LETMD1: variants seen among roughly 807,000 people sequenced by gnomAD.
LETMD1 encodes LETM1 domain containing 1.
A neutral mutation model predicts 43.9 loss-of-function variants in LETMD1; 30 were observed. That is an observed-to-expected ratio of 0.68 (90% CI 0.51 to 0.93). LETMD1 has a LOEUF of 0.93. Among genes scored for constraint, LETMD1 ranks in the 40% least tolerant of loss-of-function variants. The pLI, the probability that LETMD1 is intolerant of heterozygous loss-of-function variation, is 0.00. For missense variants in LETMD1, 413 were observed against 447.7 expected (o/e 0.92, Z 0.70); for synonymous variants, 176 against 163.1 (o/e 1.08, Z -0.60).
rs1318431454 is a variant in LETMD1 at position 51,049,088 on chromosome 12, T to C, written c.177T>C (p.Tyr59=). 3 of 1,613,758 alleles carry C rather than the reference T, an allele frequency of 1.9e-6. No homozygotes were observed. The highest frequency in any genetic ancestry group is 2.2e-5 in the East Asian group (1 of 44,876). ...PKADVKNLMS[Y]VVTKTKAING... ...CAGATGTGAAGAACTTGATGTCTTA[T>C]GTGGTAACCAAGACAAAAGCGATTA... Residue 59 remains tyrosine (Y), a synonymous_variant, in exon 2 of 9, where the codon TAT becomes TAC. Transcript: ENST00000262055.
rs757298149 is a variant in LETMD1, at chr12:51,049,140, C to G, written c.229C>G (p.Arg77Gly). 47 of 1,613,870 alleles carry G rather than the reference C, an allele frequency of 2.9e-5. No individual in the cohort carries two copies. Among genetic ancestry groups the G allele is most frequent in the Non-Finnish European group, 3.7e-5 (44 of 1,179,834 alleles). ...INGKYHRFLGRHFPRFYVLYT... is the reference protein window; with the variant it reads ...INGKYHRFLGGHFPRFYVLYT... ...TGGGAAATACCATCGTTTCTTGGGTCGTCATTTCCCCCGCTTCTATGTCCT... is the reference window on the plus strand; with the variant it reads ...TGGGAAATACCATCGTTTCTTGGGTGGTCATTTCCCCCGCTTCTATGTCCT... Residue 77 changes from arginine to glycine, a missense_variant, in exon 2 of 9, where the codon CGT (arginine) becomes GGT (glycine). Physicochemically the swap from Arg to Gly is moderately radical, Grantham distance 125. Coordinates refer to ENST00000262055, the MANE Select transcript of LETMD1 (RefSeq NM_015416.5).
chr12:51,067,676 G>A, the LETMD1 span: 1 of 1,612,988 alleles, frequency 6.2e-7, no homozygotes, highest in Non-Finnish European at 8.5e-7. The surrounding 1 kb of genome is among the most constrained non-coding windows in gnomAD (Gnocchi z 4.1). Context: ...GACTGACCTG[G>A]CATTTAATCC....
chr12:51,052,459 A>G, intron 3 of LETMD1: 1 of 457,020 alleles, frequency 2.2e-6, no homozygotes, highest in African/African-American at 2.0e-5. Context: ...TGTAAATACT[A>G]AAATCTAATT....
At position 51,055,900 on chromosome 12, in the gene LETMD1, T is replaced by A; in HGVS notation, c.539T>A (p.Leu180Ter). 1.2e-6 allele frequency: 2 copies of A among 1,614,006 alleles called. No individual in the cohort carries two copies. Among genetic ancestry groups the A allele is most frequent in the South Asian group, 2.2e-5 (2 of 91,074 alleles). Residue 180 changes from leucine (L) to a stop codon, truncating the protein, a stop_gained, in exon 5 of 9, where the codon TTA becomes TAA. Transcript: ENST00000262055. LOFTEE classifies it high-confidence loss of function. ...ACCCCAAAACAACAAACTGATTTCTTAGATATCTATCATGCTTTCCGGAAG... is the reference window on the plus strand; with the variant it reads ...ACCCCAAAACAACAAACTGATTTCTAAGATATCTATCATGCTTTCCGGAAG... Reference protein sequence around the residue: ...FWTPKQQTDFLDIYHAFRKQS... With the variant: ...FWTPKQQTDF
chr12:51,068,518 C>G, the LETMD1 span, among the ~76,000 whole-genome samples: 3 of 152,128 alleles, frequency 2.0e-5, no homozygotes, highest in Admixed American at 2.0e-4. Flanking sequence ...AAGAATAAAT[C>G]CAGAGTGGGA....
At chr12:51,057,264 T>G (rs781331956) in intron 7 of LETMD1, among the ~76,000 whole-genome samples, 3 of 151,796 alleles carry the variant, frequency 2.0e-5, no homozygotes, top group Non-Finnish European at 4.4e-5. Flanking sequence ...AAAATAAAAT[T>G]ATTTTTTATT....
At chr12:51,048,927 A>G (rs1235464698) in intron 1 of LETMD1, 107 bp from the exon 2 acceptor site, 3 of 1,087,520 alleles carry the variant, frequency 2.8e-6, no homozygotes, top group Non-Finnish European at 4.0e-6. Flanking sequence ...CAGAAGTGTC[A>G]AGCCTTGGGA....
intron 4 of LETMD1, among the ~76,000 whole-genome samples, chr12:51,054,872 G>A (rs1947184621): frequency 1.3e-5 from 2 of 151,852 alleles, no homozygotes; most frequent in Non-Finnish European, 1.5e-5. Flanking sequence ...AGGCCGAGGC[G>A]GGCAGATCAC....
chr12:51,058,928 C>G (rs924030138), intron 8 of LETMD1: 1 of 195,174 alleles, frequency 5.1e-6, no homozygotes, highest in Non-Finnish European at 1.1e-5. Context: ...AAAAAACAGT[C>G]TGCTGACCAA....
chr12:51,059,520 A>G lies in LETMD1; in HGVS notation c.*89A>G, dbSNP rs1431644596. 8.6e-7 allele frequency: 1 copy of G among 1,167,166 alleles called. No individual in the cohort carries two copies. The highest frequency in any genetic ancestry group is 1.2e-5 in the South Asian group (1 of 80,656). 72.3% of individuals were successfully genotyped at this position (1,167,166 alleles called of 1,614,324 possible). On this transcript the variant is annotated 3_prime_UTR_variant, in exon 9 of 9. Coordinates refer to ENST00000262055, the MANE Select transcript of LETMD1 (RefSeq NM_015416.5). ...GCACTTGCCAGCAAAGTCTGTGTGTACTGTTAAGTGTGTGGGAGGCAGAGA... is the reference window on the plus strand; with the variant it reads ...GCACTTGCCAGCAAAGTCTGTGTGTGCTGTTAAGTGTGTGGGAGGCAGAGA...
intron 7 of LETMD1, 162 bp downstream of exon 7, chr12:51,056,664 A>AT: frequency 1.7e-6 from 1 of 589,254 alleles, no homozygotes; most frequent in South Asian, 2.5e-5. Context: ...TTATTTATTT[A>AT]TTTATTTTGA....
intron 4 of LETMD1, among the ~76,000 whole-genome samples, chr12:51,055,472 C>G (rs1259282136): frequency 6.6e-6 from 1 of 151,752 alleles, no homozygotes; most frequent in Non-Finnish European, 1.5e-5. Flanking sequence ...TGAGACCACC[C>G]TGGGCAATAT....
intron 1 of LETMD1, 22 bp downstream of exon 1, chr12:51,048,500 A>G (rs1208934892): frequency 3.7e-6 from 6 of 1,610,986 alleles, no homozygotes; most frequent in Non-Finnish European, 5.1e-6. Flanking sequence ...GTAGCGAGAA[A>G]AGCATTTTTG....
the LETMD1 span, among the ~76,000 whole-genome samples, chr12:51,065,652 G>A: frequency 6.6e-6 from 1 of 151,942 alleles, no homozygotes; most frequent in African/African-American, 2.4e-5. Context: ...TAGAGATGGG[G>A]TCTCGCTATG....
the LETMD1 span, chr12:51,067,843 T>C: frequency 1.2e-6 from 2 of 1,614,208 alleles, no homozygotes; most frequent in South Asian, 1.1e-5. This position sits in a 1 kb window ranked among gnomAD's most constrained non-coding sequence, Gnocchi z 4.1. Context: ...CGCCGTTTGG[T>C]GGGCAGAGGC....
rs1388081154 is a variant in LETMD1 at position 51,048,399 on chromosome 12, G to A, written c.43G>A (p.Gly15Ser). The change falls in exon 1 of 9, where the codon GGC becomes AGC. Residue 15 changes from glycine to serine, a missense_variant. Transcript: ENST00000262055. ...RVCWARSAVW[G>S]SAVTPGHFVT... ...GTGCTGGGCTCGGTCGGCTGTGTGG[G>A]GCTCGGCAGTCACCCCTGGACATTT... is the stretch of plus-strand genomic sequence containing the variant. The A allele has an allele frequency of 6.2e-7, 1 of 1,612,990 alleles. No individual in the cohort carries two copies. The highest frequency in any genetic ancestry group is 1.1e-5 in the South Asian group (1 of 91,018).
At chr12:51,058,959 T>C (rs1389277520) in intron 8 of LETMD1, 1 of 221,154 alleles carries the variant, frequency 4.5e-6, no homozygotes, top group East Asian at 1.1e-4. Context: ...TCTGAGGGTA[T>C]GTATTAGGCT....
rs571360592 is a variant in LETMD1, at chr12:51,059,610, C to T, written c.*179C>T. Reference sequence around the variant, plus strand: ...GTGGGAACTGCAGACATTCCTCTCACAGCTAGAACTGAAACAAACCCTCTT... The same window carrying T: ...GTGGGAACTGCAGACATTCCTCTCATAGCTAGAACTGAAACAAACCCTCTT... On this transcript the variant is annotated 3_prime_UTR_variant, in exon 9 of 9. Coordinates refer to ENST00000262055, the MANE Select transcript of LETMD1 (RefSeq NM_015416.5). The T allele has an allele frequency of 8.6e-5, 54 of 627,116 alleles. No homozygotes were observed. Among genetic ancestry groups the T allele is most frequent in the African/African-American group, 6.7e-4 (37 of 55,542 alleles). 38.8% of individuals were successfully genotyped at this position (627,116 alleles called of 1,614,324 possible).
intron 2 of LETMD1, among the ~76,000 whole-genome samples, chr12:51,049,589 G>A (rs1376778228): frequency 2.0e-5 from 3 of 152,192 alleles, no homozygotes; most frequent in South Asian, 2.1e-4. Flanking sequence ...TAGGTAGTAT[G>A]TTGTAGTGGC....
Sources: gnomAD v4.1 joint callset for allele counts (sites outside exome capture counted in the v4.1 genomes callset) on GRCh38, gnomAD v4.1.1 for gene constraint, Gnocchi (gnomAD v3.1) non-coding constraint, MANE v1.5 for transcripts, NCBI Gene and HGNC (gene_info 2026-07-23, HGNC 2026-07-21) for gene names.